ACOT9: variants seen among roughly 807,000 people sequenced by gnomAD.
The protein encoded by ACOT9 is acyl-CoA thioesterase 9, also known as acyl-coenzyme A thioesterase 9, mitochondrial.
A neutral mutation model predicts 39.7 loss-of-function variants in ACOT9; 34 were observed. The observed-to-expected ratio is 0.86, with a 90% CI of 0.65 to 1.14. The LOEUF is 1.14. Among genes scored for constraint, ACOT9 ranks in the 50% most tolerant of loss-of-function variants. The probability of loss-of-function intolerance (pLI) is 0.00; values close to 1 mark genes in which losing one functional copy is unlikely to be tolerated. For missense variants in ACOT9, 313 were observed against 344.1 expected, an observed-to-expected ratio of 0.91 and a Z score of 0.71; for synonymous variants, 110 against 120.5, an observed-to-expected ratio of 0.91 and a Z score of 0.57.
chrX:23,704,166 G>GTTTTTT (rs1162671112), intron 15 of ACOT9, among the ~76,000 whole-genome samples, 184 bp from the exon 16 acceptor site: 5 of 66,319 alleles, frequency 7.5e-5, no homozygotes, highest in Admixed American at 1.7e-4. Context: ...GGCTGGATCA[G>GTTTTTT]TTTTTTTTTT....
intron 6 of ACOT9, among the ~76,000 whole-genome samples, chrX:23,726,893 C>T (rs772648761): frequency 8.9e-5 from 10 of 112,045 alleles, no homozygotes; most frequent in Non-Finnish European, 1.9e-4. Flanking sequence ...TATCTCAGCT[C>T]ACTGCAACCT....
At chrX:23,740,475 G>A (rs1930098996) in intron 1 of ACOT9, among the ~76,000 whole-genome samples, 1 of 110,187 alleles carries the variant, frequency 9.1e-6, no homozygotes, top group Non-Finnish European at 1.9e-5. Flanking sequence ...TGTGGACCTC[G>A]AGCGGGCGTG....
At chrX:23,720,798 C>T (rs1470517990) in intron 8 of ACOT9, among the ~76,000 whole-genome samples, 1 of 111,102 alleles carries the variant, frequency 9.0e-6, no homozygotes, top group Non-Finnish European at 1.9e-5. Flanking sequence ...TCCAGAACTC[C>T]CTACCACCAC....
rs780502940 is a variant in ACOT9 at position 23,722,762 on chromosome X, A to G, written c.401-9T>C. 7.9e-6 allele frequency: 9 copies of G among 1,138,975 alleles called. No homozygotes were observed. The highest frequency in any genetic ancestry group is 1.1e-5 in the Non-Finnish European group (9 of 838,194). 93.9% of individuals were successfully genotyped at this position (1,138,975 alleles called of 1,213,427 possible). ...CATGTAACAAATAAGAACTGCAGGG[A>G]AACAGGAGTGTACCAAATTTTAAAA... On this transcript the variant is annotated splice_polypyrimidine_tract_variant and intron_variant, in intron 6 of 15. Coordinates refer to ENST00000379303, the MANE Select transcript of ACOT9 (RefSeq NM_001037171.2).
rs902368885 is a variant in ACOT9 at position 23,733,376 on chromosome X, G to A, written c.146-159C>T. On this transcript the variant is annotated intron_variant, in intron 3 of 15. Transcript: ENST00000379303. ...GCCACAACAAACAGCTCAGGGACAG[G>A]ATCAAGCCTCTGCTCCCTAAAAACC... 2.7e-5 allele frequency among the ~76,000 whole-genome samples: 3 copies of A among 111,854 alleles called. No homozygotes were observed. In the Admixed American group the frequency reaches 2.9e-4, roughly 11 times the overall value.
chrX:23,710,664 G>A (rs1054341216), intron 9 of ACOT9, among the ~76,000 whole-genome samples: 15 of 111,406 alleles, frequency 1.3e-4, no homozygotes, highest in Non-Finnish European at 7.5e-5. Context: ...GATCAGTTTG[G>A]CCAACATGGC....
At chrX:23,708,300 G>A (rs1323216637) in intron 9 of ACOT9, among the ~76,000 whole-genome samples, 2 of 111,608 alleles carry the variant, frequency 1.8e-5, no homozygotes, top group Non-Finnish European at 3.8e-5. Context: ...AGGCCAAGCC[G>A]GGTGGGGATC....
chrX:23,724,942 G>C (rs1929456056), intron 6 of ACOT9, among the ~76,000 whole-genome samples: 1 of 110,613 alleles, frequency 9.0e-6, no homozygotes, highest in African/African-American at 3.3e-5. Context: ...CTCTAAAAAA[G>C]AAAAATAAAT....
intron 6 of ACOT9, among the ~76,000 whole-genome samples, chrX:23,725,956 T>A (rs1929506789): frequency 9.0e-6 from 1 of 111,639 alleles, no homozygotes; most frequent in Non-Finnish European, 1.9e-5. Context: ...CCCAGCACTT[T>A]GGGAGGCCGA....
chrX:23,705,085 T>G lies in ACOT9; in HGVS notation c.1020-5A>C, dbSNP rs761920088. ...ACCACAAACGGTCGAGAACCACTGTTGGGGGAAAGGACAGAATTTGGGGTA... is the reference window on the plus strand; with the variant it reads ...ACCACAAACGGTCGAGAACCACTGTGGGGGGAAAGGACAGAATTTGGGGTA... On this transcript the variant is annotated splice_polypyrimidine_tract_variant and splice_region_variant and intron_variant, in intron 13 of 15. Transcript: ENST00000379303. 1 of 1,206,636 alleles carries G rather than the reference T, an allele frequency of 8.3e-7. No individual in the cohort carries two copies. Among genetic ancestry groups the G allele is most frequent in the Non-Finnish European group, 1.1e-6 (1 of 892,272 alleles).
Position 23,704,973 on chromosome X carries a change from A to T in ACOT9, c.1107+20T>A. ...AAATGAAAAAAAAAAGTTGTATGTC[A>T]TCTCTCATCACACACCTACCTGTGA... On this transcript the variant is annotated intron_variant, in intron 14 of 15. Coordinates refer to ENST00000379303, the MANE Select transcript of ACOT9 (RefSeq NM_001037171.2). The T allele has an allele frequency of 1.7e-6, 2 of 1,197,592 alleles. No homozygotes were observed. Among genetic ancestry groups the T allele is most frequent in the Non-Finnish European group, 1.1e-6 (1 of 888,740 alleles).
At chrX:23,725,969 C>T (rs1384635403) in intron 6 of ACOT9, among the ~76,000 whole-genome samples, 1 of 110,784 alleles carries the variant, frequency 9.0e-6, no homozygotes, top group African/African-American at 3.3e-5. Context: ...GAGGCCGAGG[C>T]GAGTGGATCA....
intron 6 of ACOT9, among the ~76,000 whole-genome samples, chrX:23,724,357 G>A (rs1164617721): frequency 1.8e-5 from 2 of 111,985 alleles, no homozygotes; most frequent in Non-Finnish European, 3.8e-5. Flanking sequence ...GTATTGGGGA[G>A]GGCACAGTTG....
intron 1 of ACOT9, among the ~76,000 whole-genome samples, chrX:23,740,762 A>ACACACACACACACACC (rs1274920170): frequency 1.1e-5 from 1 of 87,626 alleles, no homozygotes; most frequent in Non-Finnish European, 2.2e-5. Flanking sequence ...ACACACACAC[A>ACACACACACACACACC]CCGCACTGAG....
At chrX:23,736,037 C>T (rs997961772) in intron 1 of ACOT9, 21 bp from the exon 2 acceptor site, 5 of 1,168,267 alleles carry the variant, frequency 4.3e-6, no homozygotes, top group African/African-American at 1.8e-5. Context: ...AGATAAAACA[C>T]AGAGCAGATC....
intron 3 of ACOT9, 146 bp downstream of exon 3, chrX:23,734,195 C>T (rs1929856930): frequency 2.2e-6 from 1 of 454,723 alleles, no homozygotes; most frequent in African/African-American, 2.5e-5. Flanking sequence ...AAAGTTTAAG[C>T]CAGAAAAATG....
rs774135140 is a variant in ACOT9 at position 23,705,072 on chromosome X, C to T, written c.1028G>A (p.Arg343Gln). Residue 343 changes from arginine to glutamine, a missense_variant, in exon 14 of 16, where the codon CGA becomes CAA. Coordinates refer to ENST00000379303, the MANE Select transcript of ACOT9 (RefSeq NM_001037171.2). The stretch of plus-strand genomic sequence containing the variant: ...GTCATCTACTGCTACCACAAACGGT[C>T]GAGAACCACTGTTGGGGGAAAGGAC... ...WATACSFGGSRPFVVAVDDIM... is the reference protein window; with the variant it reads ...WATACSFGGSQPFVVAVDDIM... The T allele has an allele frequency of 4.1e-6, 5 of 1,209,716 alleles. No individual in the cohort carries two copies. The Middle Eastern group carries it at 6.9e-4, about 167-fold the overall frequency.
intron 6 of ACOT9, among the ~76,000 whole-genome samples, chrX:23,727,868 G>A (rs892492858): frequency 2.8e-5 from 3 of 107,414 alleles, no homozygotes; most frequent in South Asian, 4.2e-4. Context: ...ATGTGATGGC[G>A]GGTGCCTGTA....
chrX:23,709,031 A>C (rs764674337), intron 9 of ACOT9, among the ~76,000 whole-genome samples: 52 of 112,377 alleles, frequency 4.6e-4, no homozygotes, highest in Non-Finnish European at 4.3e-4. Context: ...AATAAAAAAT[A>C]AGGGAAAAGG....
Sources: gnomAD v4.1 joint callset for allele counts (sites outside exome capture counted in the v4.1 genomes callset) on GRCh38, gnomAD v4.1.1 for gene constraint, MANE v1.5 for transcripts, NCBI Gene and HGNC (gene_info 2026-07-23, HGNC 2026-07-21) for gene names.